The following SYTL3 variants were observed in gnomAD, a reference collection of about 807,000 sequenced individuals.
SYTL3 encodes the protein synaptotagmin like 3.
A neutral mutation model predicts 82.1 loss-of-function variants in SYTL3; 88 were observed. That is an observed-to-expected ratio of 1.07 (90% CI 0.90 to 1.28). The LOEUF (loss-of-function observed/expected upper bound fraction) is 1.28. SYTL3 is among the 50% of genes most tolerant of loss of function. SYTL3 has a pLI of 0.00. For missense variants in SYTL3, 831 were observed against 757.6 expected, an observed-to-expected ratio of 1.10 and a Z score of -1.14; for synonymous variants, 311 against 289.4, an observed-to-expected ratio of 1.07 and a Z score of -0.76.
At chr6:158,658,094 G>A (rs777301921) in intron 2 of SYTL3, among the ~76,000 whole-genome samples, 40 of 152,028 alleles carry the variant, frequency 2.6e-4, no homozygotes, top group Non-Finnish European at 5.0e-4. Flanking sequence ...GGGTTTCACT[G>A]TGTTAGCCAG....
intron 6 of SYTL3, among the ~76,000 whole-genome samples, chr6:158,704,891 A>G (rs1254482167): frequency 9.9e-5 from 8 of 81,114 alleles, no homozygotes; most frequent in South Asian, 5.4e-4. Context: ...GTAAGGCCAC[A>G]TAGGGCAGGA....
upstream of SYTL3, among the ~76,000 whole-genome samples, chr6:158,649,440 G>A (rs1285882989): frequency 6.6e-6 from 1 of 152,244 alleles, no homozygotes; most frequent in African/African-American, 2.4e-5. Context: ...GGCTCGGTAG[G>A]TGCCAAGCCT....
chr6:158,700,222 C>T (rs1562391689), intron 6 of SYTL3, among the ~76,000 whole-genome samples: 1 of 152,114 alleles, frequency 6.6e-6, no homozygotes, highest in Non-Finnish European at 1.5e-5. Context: ...CACCATTGTA[C>T]TCCAGCCTGG....
At chr6:158,686,459 G>A (rs1473120154) in intron 6 of SYTL3, among the ~76,000 whole-genome samples, 1 of 152,124 alleles carries the variant, frequency 6.6e-6, no homozygotes, top group African/African-American at 2.4e-5. Flanking sequence ...GAACTATGGG[G>A]GAAAATGCCA....
chr6:158,764,243 C>T (rs192596661), intron 17 of SYTL3, among the ~76,000 whole-genome samples: 15 of 152,344 alleles, frequency 9.8e-5, no homozygotes, highest in Non-Finnish European at 1.5e-4. Flanking sequence ...CCAGAGTCCT[C>T]GCCTCACTTT....
At chr6:158,744,393 G>A (rs186106608) in intron 11 of SYTL3, among the ~76,000 whole-genome samples, 235 of 135,652 alleles carry the variant, frequency 1.7e-3, no homozygotes, top group Middle Eastern at 8.3e-3. Context: ...TGCAAGCTCC[G>A]CCTCCTGGGT....
intron 15 of SYTL3, 68 bp from the exon 16 acceptor site, chr6:158,762,008 G>A (rs529215006): frequency 3.5e-6 from 4 of 1,127,758 alleles, no homozygotes; most frequent in Non-Finnish European, 5.3e-6. Flanking sequence ...TCGGTTTTGG[G>A]GTGGTGGTAC....
At position 158,762,115 on chromosome 6, in the gene SYTL3, T is replaced by C; in HGVS notation, c.1454T>C (p.Val485Ala). The C allele has an allele frequency of 6.2e-7, 1 of 1,614,010 alleles. No homozygotes were observed. The highest frequency in any genetic ancestry group is 8.5e-7 in the Non-Finnish European group (1 of 1,179,978). ...TCACTTCATGGTCAACTTTGTTTGG[T>C]AGTGCTAGGAGCCAAGAATTTACCT... ...QPSLHGQLCL[V>A]VLGAKNLPVR... is the part of the protein sequence containing the mutation. Residue 485 changes from valine to alanine, a missense_variant, in exon 16 of 18, where the codon GTA (valine) becomes GCA (alanine). Coordinates refer to ENST00000611299, the MANE Select transcript of SYTL3 (RefSeq NM_001242394.2).
intron 13 of SYTL3, among the ~76,000 whole-genome samples, chr6:158,753,072 CTTTTCTT>C (rs1174500629): frequency 1.1e-3 from 148 of 131,314 alleles, no homozygotes; most frequent in African/African-American, 4.3e-3. Context: ...AACATTTCTT[CTTTTCTT>C]TTTTTTTTTT....
At chr6:158,740,488 A>G (rs566711519) in intron 11 of SYTL3, among the ~76,000 whole-genome samples, 209 of 152,198 alleles carry the variant, frequency 1.4e-3, no homozygotes, top group African/African-American at 4.6e-3. Flanking sequence ...CCATGAGTCT[A>G]TTTTTATTGT....
intron 7 of SYTL3, among the ~76,000 whole-genome samples, chr6:158,707,635 T>C (rs907980972): frequency 2.0e-5 from 3 of 152,224 alleles, no homozygotes; most frequent in Admixed American, 6.5e-5. Context: ...TCTAACACCC[T>C]ACCCAGCGCC....
At chr6:158,683,704 CTG>C (rs1418730106) in intron 6 of SYTL3, among the ~76,000 whole-genome samples, 1 of 152,208 alleles carries the variant, frequency 6.6e-6, no homozygotes, top group East Asian at 1.9e-4. Flanking sequence ...CAAGCAGTAA[CTG>C]TGATTTTAAA....
chr6:158,719,987 A>G (rs1783889893), intron 10 of SYTL3, among the ~76,000 whole-genome samples: 1 of 152,106 alleles, frequency 6.6e-6, no homozygotes, highest in Admixed American at 6.6e-5. Context: ...TACTAGGGAG[A>G]CTGAGGTGGG....
intron 13 of SYTL3, among the ~76,000 whole-genome samples, chr6:158,755,860 T>C (rs1380262448): frequency 3.9e-5 from 6 of 152,100 alleles, no homozygotes; most frequent in Non-Finnish European, 4.4e-5. Flanking sequence ...GCAGCGAGAC[T>C]CGGGCCTGGA....
chr6:158,737,624 C>T (rs535451146), intron 11 of SYTL3, among the ~76,000 whole-genome samples: 5 of 152,274 alleles, frequency 3.3e-5, no homozygotes, highest in South Asian at 4.1e-4. Context: ...TTTTGGGTTG[C>T]GCTTCTGGGC....
At chr6:158,658,802 G>A (rs1363011631) in intron 2 of SYTL3, among the ~76,000 whole-genome samples, 4 of 152,064 alleles carry the variant, frequency 2.6e-5, no homozygotes, top group Non-Finnish European at 4.4e-5. Flanking sequence ...GGAGGCACAC[G>A]CCTGTAGTCG....
chr6:158,719,029 C>T (rs1783756836), intron 10 of SYTL3, among the ~76,000 whole-genome samples: 2 of 152,082 alleles, frequency 1.3e-5, no homozygotes, highest in Admixed American at 6.5e-5. Flanking sequence ...CACGTCCTGC[C>T]TCCCGCTCCA....
At chr6:158,690,075 C>T (rs537615186) in intron 6 of SYTL3, among the ~76,000 whole-genome samples, 1 of 152,348 alleles carries the variant, frequency 6.6e-6, no homozygotes, top group East Asian at 1.9e-4. Context: ...CACTGATTGG[C>T]ACAGCGTGGG....
At chr6:158,737,708 G>A (rs1021623228) in intron 11 of SYTL3, among the ~76,000 whole-genome samples, 37 of 152,236 alleles carry the variant, frequency 2.4e-4, no homozygotes, top group African/African-American at 8.0e-4. Flanking sequence ...TGGCTCCAGA[G>A]AGAGCAGAAC....
Sources: gnomAD v4.1 joint callset for allele counts (sites outside exome capture counted in the v4.1 genomes callset) on GRCh38, gnomAD v4.1.1 for gene constraint, MANE v1.5 for transcripts, NCBI Gene and HGNC (gene_info 2026-07-23, HGNC 2026-07-21) for gene names.